The following CAMTA1 variants were observed in gnomAD, a reference collection of about 807,000 sequenced individuals.
The protein encoded by CAMTA1 is calmodulin binding transcription activator 1.
In CAMTA1, 27 loss-of-function variants were observed where a neutral mutation model predicts 170.9. That is an observed-to-expected ratio of 0.16 (90% CI 0.12 to 0.22). The LOEUF is 0.22. Among genes scored for constraint, CAMTA1 ranks in the 10% least tolerant of loss-of-function variants. The pLI is 1.00. For synonymous variants in CAMTA1, 833 were observed against 891.5 expected (o/e 0.93, Z 1.17); for missense variants, 1,619 against 2,217.2 (o/e 0.73, Z 5.42).
In CAMTA1 at chr1:7,674,841, T is replaced by C. The variant is rs538812190; in HGVS notation, c.2780-2758T>C. On this transcript the variant is annotated intron_variant, in intron 10 of 22. Transcript: ENST00000303635. The surrounding 1 kb of genome is among the most constrained non-coding windows in gnomAD (Gnocchi z 4.1). ...GGTGTAGAATTGGGTTTCAAAACAA[T>C]TCATTCAACAAATAGTTACTGAGCC... 7.9e-5 allele frequency among the ~76,000 whole-genome samples: 12 copies of C among 152,228 alleles called. No individual in the cohort carries two copies. The highest frequency in any genetic ancestry group is 1.3e-4 in the Admixed American group (2 of 15,292).
chr1:7,536,658 G>A (rs2094552663), intron 6 of CAMTA1, among the ~76,000 whole-genome samples: 1 of 152,336 alleles, frequency 6.6e-6, no homozygotes, highest in South Asian at 2.1e-4. Flanking sequence ...GGTCCAGCGA[G>A]TGTGTGAAGG....
intron 5 of CAMTA1, among the ~76,000 whole-genome samples, chr1:7,376,882 C>T (rs542903497): frequency 3.9e-5 from 6 of 152,292 alleles, no homozygotes; most frequent in African/African-American, 1.2e-4. Context: ...AGGCTGCTCC[C>T]TGGGAGCTAG....
At chr1:6,808,323 C>T (rs966295528) in intron 1 of CAMTA1, among the ~76,000 whole-genome samples, 1 of 152,008 alleles carries the variant, frequency 6.6e-6, no homozygotes, top group Non-Finnish European at 1.5e-5. Context: ...CTCCAGCTTC[C>T]TCTCTACAGT....
At chr1:7,591,765 C>T (rs1195264897) in intron 6 of CAMTA1, among the ~76,000 whole-genome samples, 1 of 152,228 alleles carries the variant, frequency 6.6e-6, no homozygotes, top group East Asian at 1.9e-4. Flanking sequence ...CCACCGTGCT[C>T]AGGCCACGCT....
chr1:7,628,954 T>C (rs1207714302), intron 6 of CAMTA1, among the ~76,000 whole-genome samples: 1 of 152,214 alleles, frequency 6.6e-6, no homozygotes, highest in Non-Finnish European at 1.5e-5. Context: ...ATCTGTGCTG[T>C]TCCACCCTCT....
chr1:7,185,530 G>T lies in CAMTA1; in HGVS notation c.303-63961G>T, dbSNP rs115084516. On this transcript the variant is annotated intron_variant, in intron 4 of 22. Transcript: ENST00000303635. The stretch of plus-strand genomic sequence containing the variant: ...GTGTTTCTTATAGTAGATTGAAAAT[G>T]TAGAAGGAATTTACATAGTCCTGAC... Among the ~76,000 whole-genome samples the T allele has an allele frequency of 8.8e-3, 1,341 of 152,320 alleles. 14 individuals are homozygous for T. The highest frequency in any genetic ancestry group is 0.015 in the Admixed American group (232 of 15,292).
At chr1:7,152,306 G>A (rs1469273726) in intron 4 of CAMTA1, among the ~76,000 whole-genome samples, 1 of 152,124 alleles carries the variant, frequency 6.6e-6, no homozygotes, top group Non-Finnish European at 1.5e-5. Context: ...TACCTTCCAC[G>A]TTTCTGTTCT....
intron 3 of CAMTA1, among the ~76,000 whole-genome samples, chr1:6,939,150 C>T (rs1159403668): frequency 1.3e-5 from 2 of 152,146 alleles, no homozygotes; most frequent in Middle Eastern, 3.2e-3. Flanking sequence ...GATTTGGGTT[C>T]GTAACCAGAG....
intron 5 of CAMTA1, among the ~76,000 whole-genome samples, chr1:7,337,223 C>G (rs1452990469): frequency 6.6e-6 from 1 of 152,038 alleles, no homozygotes; most frequent in Non-Finnish European, 1.5e-5. Flanking sequence ...GGGACGGGGA[C>G]TAAGGACCTG....
chr1:7,239,435 C>CT (rs1558293079), intron 4 of CAMTA1, among the ~76,000 whole-genome samples: 1 of 152,076 alleles, frequency 6.6e-6, no homozygotes, highest in African/African-American at 2.4e-5. Context: ...CACTCCTGCT[C>CT]TTTTTTTCTC....
intron 4 of CAMTA1, among the ~76,000 whole-genome samples, chr1:7,170,839 A>G (rs1234762954): frequency 6.6e-6 from 1 of 152,110 alleles, no homozygotes; most frequent in Non-Finnish European, 1.5e-5. Context: ...AGTTCACTTC[A>G]TTGTTATTTG....
chr1:7,649,677 G>C, intron 7 of CAMTA1, among the ~76,000 whole-genome samples: 1 of 152,236 alleles, frequency 6.6e-6, no homozygotes, highest in East Asian at 1.9e-4. Context: ...AGGACTGGAA[G>C]AGAAATACTG....
Position 7,064,124 on chromosome 1 carries a change from C to A in CAMTA1, c.235-27180C>A, listed in dbSNP as rs1346849054. Among the ~76,000 whole-genome samples the A allele has an allele frequency of 6.6e-6, 1 of 150,866 alleles. No individual in the cohort carries two copies. Among genetic ancestry groups the A allele is most frequent in the African/African-American group, 2.4e-5 (1 of 41,108 alleles). Reference sequence around the variant, plus strand: ...CTTCTCTCCTTCCCTCCTCCTCCTTCTTCTTCTCCTCCTCCTCCTTCTCTT... The same window carrying A: ...CTTCTCTCCTTCCCTCCTCCTCCTTATTCTTCTCCTCCTCCTCCTTCTCTT... On this transcript the variant is annotated intron_variant, in intron 3 of 22. Coordinates refer to ENST00000303635, the MANE Select transcript of CAMTA1 (RefSeq NM_015215.4). This position sits in a 1 kb window ranked among gnomAD's most constrained non-coding sequence, Gnocchi z 5.4.
At chr1:6,871,312 T>TAGAA (rs1466050423) in intron 3 of CAMTA1, among the ~76,000 whole-genome samples, 4 of 152,232 alleles carry the variant, frequency 2.6e-5, no homozygotes, top group African/African-American at 7.2e-5. Context: ...TGCTGTCTTC[T>TAGAA]AGAACATTGT....
At chr1:7,494,913 G>A (rs2093801396) in intron 6 of CAMTA1, among the ~76,000 whole-genome samples, 1 of 152,184 alleles carries the variant, frequency 6.6e-6, no homozygotes, top group Admixed American at 6.5e-5. Context: ...AGTGTCCTGA[G>A]GAAGAGGACG....
In CAMTA1 at chr1:7,456,145, CAG is replaced by C. The variant is rs1325235841; in HGVS notation, c.439-11682_439-11681del. On this transcript the variant is annotated intron_variant, in intron 5 of 22. Transcript: ENST00000303635. This position sits in a 1 kb window ranked among gnomAD's most constrained non-coding sequence, Gnocchi z 4.9. ...GTGAAGGGTGAGGGGGTACCCATAA[CAG>C]AGGGATGGAGGAAGGGAGGGAGGGA... Among the ~76,000 whole-genome samples, 3 of 142,960 alleles carry C rather than the reference CAG, an allele frequency of 2.1e-5. No individual in the cohort carries two copies. Among genetic ancestry groups the C allele is most frequent in the Non-Finnish European group, 1.5e-5 (1 of 66,502 alleles). 93.8% of individuals were successfully genotyped at this position (142,960 alleles called of 152,430 possible). A position where few individuals can be genotyped will look rare whatever the true frequency, so the allele number is the denominator to read the frequency against.
chr1:7,348,873 T>C (rs2084430243), intron 5 of CAMTA1, among the ~76,000 whole-genome samples: 1 of 152,238 alleles, frequency 6.6e-6, no homozygotes, highest in Non-Finnish European at 1.5e-5. Flanking sequence ...AGGAAAGATT[T>C]TCCAACGACA....
chr1:7,475,723 A>G (rs866609154), intron 6 of CAMTA1, among the ~76,000 whole-genome samples: 15 of 152,220 alleles, frequency 9.9e-5, no homozygotes, highest in Admixed American at 8.5e-4. Context: ...TTTGGTTCTC[A>G]CAGCTACCCT....
chr1:7,515,657 C>T (rs576148640), intron 6 of CAMTA1, among the ~76,000 whole-genome samples: 1 of 152,290 alleles, frequency 6.6e-6, no homozygotes, highest in South Asian at 2.1e-4. Context: ...GCGAGAGGCA[C>T]CAGTGAGCAA....
Sources: gnomAD v4.1 joint callset for allele counts (sites outside exome capture counted in the v4.1 genomes callset) on GRCh38, gnomAD v4.1.1 for gene constraint, Gnocchi (gnomAD v3.1) non-coding constraint, MANE v1.5 for transcripts, NCBI Gene and HGNC (gene_info 2026-07-23, HGNC 2026-07-21) for gene names.